Variants in SLC25A25 observed in about 807,000 individuals in gnomAD.
The protein encoded by SLC25A25 is solute carrier family 25 member 25.
SLC25A25 carries 32 observed loss-of-function variants against 57.7 expected under a neutral mutation model. The observed-to-expected ratio is 0.55, with a 90% CI of 0.42 to 0.74. The LOEUF is 0.74. Among genes scored for constraint, SLC25A25 ranks in the 30% least tolerant of loss-of-function variants. The pLI, the probability that SLC25A25 is intolerant of heterozygous loss-of-function variation, is 0.00. For missense variants in SLC25A25, 556 were observed against 701.3 expected (o/e 0.79, Z 2.34); for synonymous variants, 306 against 291.2 (o/e 1.05, Z -0.52).
intron 1 of SLC25A25, among the ~76,000 whole-genome samples, chr9:128,080,250 CAAAA>C (rs67092008): frequency 1.4e-5 from 2 of 140,812 alleles, no homozygotes; most frequent in Non-Finnish European, 3.0e-5. Flanking sequence ...AACAAAAAAA[CAAAA>C]AAAAAACCCA....
chr9:128,082,112 T>C (rs1429672952), intron 1 of SLC25A25, among the ~76,000 whole-genome samples: 3 of 152,184 alleles, frequency 2.0e-5, no homozygotes, highest in African/African-American at 7.2e-5. Context: ...GGGACTGGCT[T>C]TTCACCAGGA....
rs560710440 is a variant in SLC25A25, at chr9:128,087,186, C to T, written c.262-13910C>T. 5.3e-5 allele frequency among the ~76,000 whole-genome samples: 8 copies of T among 152,214 alleles called. No homozygotes were observed. The East Asian group carries it at 1.6e-3, about 30-fold the overall frequency. On this transcript the variant is annotated intron_variant, in intron 1 of 10. Transcript: ENST00000373069. The stretch of plus-strand genomic sequence containing the variant: ...GCTGGGATCGCACCATTGCAGCCAG[C>T]CTCAGCCTCCCAAAGTGCTGGGATT...
intron 1 of SLC25A25, among the ~76,000 whole-genome samples, chr9:128,100,692 G>A (rs887825488): frequency 6.6e-6 from 1 of 152,226 alleles, no homozygotes; most frequent in Non-Finnish European, 1.5e-5. Context: ...AGCATGTGTG[G>A]TTGAAGCCTG....
At chr9:128,082,734 C>T (rs1833181177) in intron 1 of SLC25A25, among the ~76,000 whole-genome samples, 1 of 152,162 alleles carries the variant, frequency 6.6e-6, no homozygotes, top group Admixed American at 6.5e-5. Context: ...CAACCTCCGC[C>T]TCCCGGATTC....
At chr9:128,087,193 CTCCCAAAGTGCTGGG>C (rs1833297042) in intron 1 of SLC25A25, among the ~76,000 whole-genome samples, 1 of 152,076 alleles carries the variant, frequency 6.6e-6, no homozygotes, top group African/African-American at 2.4e-5. Flanking sequence ...CAGCCTCAGC[CTCCCAAAGTGCTGGG>C]ATTACAGGCG....
intron 9 of SLC25A25, 67 bp from the exon 10 acceptor site, chr9:128,106,962 C>A (rs1834067070): frequency 6.4e-7 from 1 of 1,556,460 alleles, no homozygotes; most frequent in Non-Finnish European, 8.8e-7. Context: ...GACCCAGTAA[C>A]AGCCCCGTCT....
chr9:128,103,857 C>T lies in SLC25A25; in HGVS notation c.783+18C>T. 2 of 1,530,418 alleles carry T rather than the reference C, an allele frequency of 1.3e-6. No individual in the cohort carries two copies. The highest frequency in any genetic ancestry group is 1.8e-6 in the Non-Finnish European group (2 of 1,139,300). The allele number at this position is 1,530,418 out of a possible 1,614,324, so 94.8% of individuals were successfully genotyped here. On this transcript the variant is annotated intron_variant, in intron 6 of 10. Coordinates refer to ENST00000373069, the MANE Select transcript of SLC25A25 (RefSeq NM_001330988.2). This position sits in a 1 kb window ranked among gnomAD's most constrained non-coding sequence, Gnocchi z 6.7. ...TCATGCAGGTATGTAGGGAAAAGGC[C>T]CCAGACCCCTGGGGGGCCAGTTTCC... is the stretch of plus-strand genomic sequence containing the variant.
In SLC25A25 at chr9:128,106,930, A is replaced by T. The variant is rs1018381187; in HGVS notation, c.1213-99A>T. 25 of 1,436,236 alleles carry T rather than the reference A, an allele frequency of 1.7e-5. 1 individual carries two copies. In the Admixed American group the frequency reaches 5.0e-4, roughly 28 times the overall value. The allele number at this position is 1,436,236 out of a possible 1,614,324, so 89.0% of individuals were successfully genotyped here. On this transcript the variant is annotated intron_variant, in intron 9 of 10. Coordinates refer to ENST00000373069, the MANE Select transcript of SLC25A25 (RefSeq NM_001330988.2). ...AGCCCAGCCAGGCCCCAGGCGCGGC[A>T]GTCGGGTTCCAGTGGCCTGAGGACC...
intron 1 of SLC25A25, among the ~76,000 whole-genome samples, chr9:128,087,185 GCCT>G (rs1833296335): frequency 6.7e-6 from 1 of 148,382 alleles, no homozygotes; most frequent in African/African-American, 2.5e-5. Context: ...ATTGCAGCCA[GCCT>G]CAGCCTCCCA....
chr9:128,104,601 C>G (rs907894331), intron 6 of SLC25A25, among the ~76,000 whole-genome samples: 6 of 152,196 alleles, frequency 3.9e-5, no homozygotes, highest in Non-Finnish European at 7.3e-5. Context: ...GCTTGAACAA[C>G]TGCCTCATCC....
At chr9:128,073,465 T>A (rs1336794723) in intron 1 of SLC25A25, among the ~76,000 whole-genome samples, 1 of 152,226 alleles carries the variant, frequency 6.6e-6, no homozygotes, top group African/African-American at 2.4e-5. Flanking sequence ...CAAGTTGGTA[T>A]TGCTTAATCA....
chr9:128,079,615 A>T (rs1468167687), intron 1 of SLC25A25, among the ~76,000 whole-genome samples: 2 of 150,542 alleles, frequency 1.3e-5, no homozygotes, highest in African/African-American at 4.9e-5. Flanking sequence ...AAAAAAAAAA[A>T]AAAAAAAAAA....
chr9:128,081,464 G>C (rs558384170), intron 1 of SLC25A25, among the ~76,000 whole-genome samples: 6 of 152,164 alleles, frequency 3.9e-5, no homozygotes, highest in Non-Finnish European at 7.3e-5. Context: ...TCACATGGAC[G>C]AATTGTGTGG....
chr9:128,087,187 C>T lies in SLC25A25; in HGVS notation c.262-13909C>T, dbSNP rs1051149561. ...CTGGGATCGCACCATTGCAGCCAGC[C>T]TCAGCCTCCCAAAGTGCTGGGATTA... On this transcript the variant is annotated intron_variant, in intron 1 of 10. Transcript: ENST00000373069. Among the ~76,000 whole-genome samples the T allele has an allele frequency of 2.4e-4, 37 of 151,996 alleles. 1 individual carries two copies. Among genetic ancestry groups the T allele is most frequent in the Non-Finnish European group, 1.5e-5 (1 of 67,986 alleles).
intron 6 of SLC25A25, 112 bp from the exon 7 acceptor site, chr9:128,105,617 G>A: frequency 6.6e-7 from 1 of 1,526,160 alleles, no homozygotes; most frequent in Non-Finnish European, 9.0e-7. Context: ...AAAATGCACG[G>A]AAGAAAGGGC....
intron 1 of SLC25A25, chr9:128,091,818 C>T: frequency 6.4e-7 from 1 of 1,551,894 alleles, no homozygotes; most frequent in Non-Finnish European, 8.7e-7. Context: ...GTACTGTGGT[C>T]ACATCCCTCA....
chr9:128,077,516 T>TAAAAAAAAAAAAAAAAAAAAAAAAAAAAC (rs567869070), intron 1 of SLC25A25, among the ~76,000 whole-genome samples: 1 of 100,364 alleles, frequency 1.0e-5, no homozygotes, highest in Admixed American at 1.0e-4. Flanking sequence ...GACTCCGTCT[T>TAAAAAAAAAAAAAAAAAAAAAAAAAAAAC]AAAAAAAAAA....
intron 1 of SLC25A25, among the ~76,000 whole-genome samples, chr9:128,093,610 G>A (rs558222984): frequency 1.1e-3 from 166 of 152,360 alleles, no homozygotes; most frequent in African/African-American, 3.8e-3. Context: ...TGCAAACTGG[G>A]GGAGCCCCAA....
chr9:128,102,126 A>T lies in SLC25A25; in HGVS notation c.512+11A>T. 1 of 1,550,532 alleles carries T rather than the reference A, an allele frequency of 6.4e-7. No homozygotes were observed. Among genetic ancestry groups the T allele is most frequent in the Non-Finnish European group, 8.7e-7 (1 of 1,146,944 alleles). The stretch of plus-strand genomic sequence containing the variant: ...GGGCCCTGTCACCTAGTAAGTATCC[A>T]TGTCGCTCATGACTGCCTCCCTTGA... On this transcript the variant is annotated intron_variant, in intron 4 of 10. Coordinates refer to ENST00000373069, the MANE Select transcript of SLC25A25 (RefSeq NM_001330988.2). This position sits in a 1 kb window ranked among gnomAD's most constrained non-coding sequence, Gnocchi z 4.1.
Sources: gnomAD v4.1 joint callset for allele counts (sites outside exome capture counted in the v4.1 genomes callset) on GRCh38, gnomAD v4.1.1 for gene constraint, Gnocchi (gnomAD v3.1) non-coding constraint, MANE v1.5 for transcripts, NCBI Gene and HGNC (gene_info 2026-07-23, HGNC 2026-07-21) for gene names.